The following DEPDC1B variants were observed in gnomAD, a reference collection of about 807,000 sequenced individuals.
DEPDC1B encodes DEP domain-containing protein 1B.
DEPDC1B carries 51 observed loss-of-function variants against 66.5 expected under a neutral mutation model. That is an observed-to-expected ratio of 0.77 (90% CI 0.61 to 0.97). The LOEUF (loss-of-function observed/expected upper bound fraction) is 0.97. Ranked by LOEUF, DEPDC1B falls within the 50% of genes least tolerant of loss-of-function variation. The probability of loss-of-function intolerance (pLI) is 0.00; values close to 1 mark genes in which losing one functional copy is unlikely to be tolerated. For synonymous variants in DEPDC1B, 226 were observed against 223.6 expected, an observed-to-expected ratio of 1.01 and a Z score of -0.10; for missense variants, 552 against 637.1, an observed-to-expected ratio of 0.87 and a Z score of 1.44.
At chr5:60,607,124 G>A (rs1444709647) in intron 7 of DEPDC1B, among the ~76,000 whole-genome samples, 2 of 152,114 alleles carry the variant, frequency 1.3e-5, no homozygotes, top group Non-Finnish European at 2.9e-5. Flanking sequence ...TATCTGCAAG[G>A]GCCACAGGAG....
chr5:60,647,712 A>G (rs1349315463), intron 2 of DEPDC1B, 179 bp from the exon 3 acceptor site: 1 of 506,854 alleles, frequency 2.0e-6, no homozygotes, highest in Non-Finnish European at 3.1e-6. Flanking sequence ...TAAAGAAAAG[A>G]AAGGTGATTG....
chr5:60,633,161 AGAAGCCAGG>A (rs1752963662), intron 7 of DEPDC1B, among the ~76,000 whole-genome samples: 1 of 152,214 alleles, frequency 6.6e-6, no homozygotes, highest in Admixed American at 6.5e-5. Flanking sequence ...CAGTGAGTGC[AGAAGCCAGG>A]ACTGGAATCC....
At chr5:60,661,702 G>A (rs1753719071) in intron 2 of DEPDC1B, among the ~76,000 whole-genome samples, 2 of 152,126 alleles carry the variant, frequency 1.3e-5, no homozygotes, top group South Asian at 4.1e-4. Context: ...TAAGAAAAGT[G>A]CCGCCATAAC....
At chr5:60,644,565 T>TA (rs1584058710) in intron 5 of DEPDC1B, among the ~76,000 whole-genome samples, 180 bp downstream of exon 5, 1 of 152,188 alleles carries the variant, frequency 6.6e-6, no homozygotes, top group Non-Finnish European at 1.5e-5. Flanking sequence ...CATTCCTAGA[T>TA]ACTCATCTTC....
intron 2 of DEPDC1B, among the ~76,000 whole-genome samples, chr5:60,667,920 GGATATTTTATATATATA>G: frequency 1.2e-5 from 1 of 81,222 alleles, no homozygotes; most frequent in African/African-American, 4.1e-5. Flanking sequence ...TATAAAAAAT[GGATATTTTATATATATA>G]TAAAATGGAT....
intron 2 of DEPDC1B, among the ~76,000 whole-genome samples, chr5:60,657,325 A>T (rs898226012): frequency 1.3e-5 from 2 of 152,046 alleles, no homozygotes; most frequent in Admixed American, 1.3e-4. Flanking sequence ...GTACTATTCT[A>T]TTCATTGTGC....
At chr5:60,613,676 AT>A in intron 7 of DEPDC1B, among the ~76,000 whole-genome samples, 1 of 152,270 alleles carries the variant, frequency 6.6e-6, no homozygotes, top group South Asian at 2.1e-4. Context: ...TTAAGTCTGT[AT>A]TTGAATACTT....
chr5:60,697,823 T>C (rs1281465630), intron 1 of DEPDC1B, among the ~76,000 whole-genome samples: 1 of 152,278 alleles, frequency 6.6e-6, no homozygotes, highest in East Asian at 1.9e-4. Flanking sequence ...CAACCTAAAT[T>C]TAGCCTGAAT....
chr5:60,597,322 A>G lies in DEPDC1B; in HGVS notation c.*431T>C, dbSNP rs1752115813. 2 of 154,482 alleles carry G rather than the reference A, an allele frequency of 1.3e-5. No individual in the cohort carries two copies. The highest frequency in any genetic ancestry group is 2.9e-5 in the Non-Finnish European group (2 of 69,424). 9.6% of individuals were successfully genotyped at this position (154,482 alleles called of 1,614,324 possible). ...TTGGCTACTAAGTCAATAGCATCAC[A>G]GTAACAGTACCCAGTGTCTTTCTTA... On this transcript the variant is annotated 3_prime_UTR_variant, in exon 11 of 11. Coordinates refer to ENST00000265036, the MANE Select transcript of DEPDC1B (RefSeq NM_018369.3).
chr5:60,640,095 T>C (rs1753153079), intron 6 of DEPDC1B, among the ~76,000 whole-genome samples: 1 of 152,238 alleles, frequency 6.6e-6, no homozygotes, highest in East Asian at 1.9e-4. Context: ...CCTTTCAATA[T>C]TCTGTTCTCT....
At chr5:60,612,208 A>G (rs1433942723) in intron 7 of DEPDC1B, among the ~76,000 whole-genome samples, 1 of 152,130 alleles carries the variant, frequency 6.6e-6, no homozygotes, top group East Asian at 1.9e-4. Context: ...GGATCACCTG[A>G]GGTCTGGAGC....
intron 7 of DEPDC1B, among the ~76,000 whole-genome samples, chr5:60,634,247 C>CA (rs1366503993): frequency 6.6e-6 from 1 of 152,210 alleles, no homozygotes; most frequent in Non-Finnish European, 1.5e-5. Flanking sequence ...CCAAAGAACC[C>CA]ACTGTCTTAT....
chr5:60,619,959 A>G (rs549664229), intron 7 of DEPDC1B, among the ~76,000 whole-genome samples: 31 of 152,316 alleles, frequency 2.0e-4, no homozygotes, highest in African/African-American at 6.7e-4. Flanking sequence ...CCAATGGAAC[A>G]GAACAGAGCC....
chr5:60,629,770 C>A (rs1301699967), intron 7 of DEPDC1B, among the ~76,000 whole-genome samples: 2 of 152,146 alleles, frequency 1.3e-5, no homozygotes, highest in Non-Finnish European at 2.9e-5. Context: ...TGTTAGATAA[C>A]AACCCTTTCA....
intron 2 of DEPDC1B, among the ~76,000 whole-genome samples, chr5:60,683,457 A>G (rs1754343569): frequency 1.3e-5 from 2 of 152,124 alleles, no homozygotes; most frequent in African/African-American, 4.8e-5. Flanking sequence ...ATGCAGTGAA[A>G]GAAATAAAGA....
chr5:60,700,151 A>G lies in DEPDC1B; in HGVS notation c.-58T>C, dbSNP rs1754758080. 1 of 1,517,178 alleles carries G rather than the reference A, an allele frequency of 6.6e-7. No homozygotes were observed. Among genetic ancestry groups the G allele is most frequent in the South Asian group, 1.2e-5 (1 of 81,408 alleles). 94.0% of individuals were successfully genotyped at this position (1,517,178 alleles called of 1,614,324 possible). ...AGCGCTGATCCCCGCCAGCCGGAGG[A>G]GCAGCAGTTTGAATCCCAAGCCCGC... On this transcript the variant is annotated 5_prime_UTR_variant, in exon 1 of 11. Transcript: ENST00000265036.
Position 60,597,695 on chromosome 5 carries a change from C to T in DEPDC1B, c.*58G>A. 1 of 1,541,076 alleles carries T rather than the reference C, an allele frequency of 6.5e-7. No individual in the cohort carries two copies. Among genetic ancestry groups the T allele is most frequent in the South Asian group, 1.3e-5 (1 of 79,992 alleles). On this transcript the variant is annotated 3_prime_UTR_variant, in exon 11 of 11. Transcript: ENST00000265036. ...CCACCACCAAAGTCTTTCTCCTAAC[C>T]ACCATTCACTCAAAACAACAACAGT...
chr5:60,622,722 ATTTTAG>A (rs1752730907), intron 7 of DEPDC1B, among the ~76,000 whole-genome samples: 1 of 152,182 alleles, frequency 6.6e-6, no homozygotes, highest in Admixed American at 6.5e-5. Flanking sequence ...GGCTTTAGCC[ATTTTAG>A]TGTGTACATG....
chr5:60,646,892 T>C (rs887468450), intron 3 of DEPDC1B, among the ~76,000 whole-genome samples: 26 of 152,248 alleles, frequency 1.7e-4, no homozygotes, highest in East Asian at 7.7e-4. Context: ...CTTATGAGAA[T>C]CTAATGCCTG....
Sources: gnomAD v4.1 joint callset for allele counts (sites outside exome capture counted in the v4.1 genomes callset) on GRCh38, gnomAD v4.1.1 for gene constraint, MANE v1.5 for transcripts, NCBI Gene and HGNC (gene_info 2026-07-23, HGNC 2026-07-21) for gene names.